The following CACNA1E variants were observed in gnomAD, a reference collection of about 807,000 sequenced individuals.
CACNA1E encodes the protein calcium voltage-gated channel subunit alpha1 E.
In CACNA1E, 40 loss-of-function variants were observed where a neutral mutation model predicts 259.2. The ratio of observed to expected loss-of-function variants is 0.15; its 90% CI spans 0.12 to 0.20. The LOEUF (loss-of-function observed/expected upper bound fraction) is 0.20, where lower values mean the gene tolerates loss of function less well. Ranked by LOEUF, CACNA1E falls within the 10% of genes least tolerant of loss-of-function variation. The pLI is 1.00. For missense variants in CACNA1E, 1,874 were observed against 3,040.1 expected, an observed-to-expected ratio of 0.62 and a Z score of 9.02; for synonymous variants, 1,104 against 1,138.5, an observed-to-expected ratio of 0.97 and a Z score of 0.61.
chr1:181,594,327 G>A (rs1652948471), intron 6 of CACNA1E, among the ~76,000 whole-genome samples: 1 of 152,166 alleles, frequency 6.6e-6, no homozygotes, highest in African/African-American at 2.4e-5. Flanking sequence ...ATTGAAGAAT[G>A]AGTATTTTAG....
In CACNA1E at chr1:181,796,819, G is replaced by A. The variant is rs781618731; in HGVS notation, c.6360G>A (p.Arg2120=). 1.9e-5 allele frequency: 30 copies of A among 1,608,692 alleles called. No individual in the cohort carries two copies. Among genetic ancestry groups the A allele is most frequent in the Non-Finnish European group, 2.2e-5 (26 of 1,177,678 alleles). ...AGTCCCCAGAGCGCCGTCAATCCAG[G>A]TCACCCAGTGAGGGCAGGTCACAGA... The part of the protein sequence containing the change: ...DWESPERRQS[R]SPSEGRSQTP... Residue 2120 remains arginine, a synonymous_variant, in exon 47 of 48, where the codon AGG becomes AGA. Transcript: ENST00000367573.
intron 6 of CACNA1E, among the ~76,000 whole-genome samples, chr1:181,636,809 G>A (rs987165121): frequency 1.3e-5 from 2 of 152,206 alleles, no homozygotes; most frequent in Non-Finnish European, 2.9e-5. Context: ...AGAGTTTCAA[G>A]CTTAGCCTTG....
At chr1:181,769,400 A>G (rs1426693517) in intron 35 of CACNA1E, among the ~76,000 whole-genome samples, 1 of 149,980 alleles carries the variant, frequency 6.7e-6, no homozygotes, top group Non-Finnish European at 1.5e-5. Context: ...CACAATAAAT[A>G]TGTGTTTTTG....
In CACNA1E at chr1:181,475,578, G is replaced by A. The variant is rs568835091; in HGVS notation, c.435-8166G>A. Among the ~76,000 whole-genome samples, 196 of 152,272 alleles carry A rather than the reference G, an allele frequency of 1.3e-3. 1 individual carries two copies. The highest frequency in any genetic ancestry group is 3.3e-3 in the South Asian group (16 of 4,818). On this transcript the variant is annotated intron_variant, in intron 2 of 11. Coordinates refer to the CACNA1E transcript ENST00000524607. ...TTTGAGGCAGGAATGGGCATGACAC[G>A]TTTGTTTATGTACCTCATACTATGG...
At chr1:181,640,654 C>T (rs999823900) in intron 6 of CACNA1E, among the ~76,000 whole-genome samples, 1 of 152,152 alleles carries the variant, frequency 6.6e-6, no homozygotes, top group Non-Finnish European at 1.5e-5. Context: ...AAGCTTTTTT[C>T]TTGAGCGTCT....
intron 1 of CACNA1E, among the ~76,000 whole-genome samples, chr1:181,384,305 G>T (rs1334694897): frequency 6.6e-6 from 1 of 152,198 alleles, no homozygotes; most frequent in Non-Finnish European, 1.5e-5. Context: ...ATACATCTCA[G>T]CTGGATACCA....
At chr1:181,466,710 G>C in intron 2 of CACNA1E, among the ~76,000 whole-genome samples, 1 of 151,860 alleles carries the variant, frequency 6.6e-6, no homozygotes, top group East Asian at 1.9e-4. Context: ...TTCCTCCTAG[G>C]GATTTCCTTT....
chr1:181,318,745 T>C (rs922524938), intron 1 of CACNA1E, among the ~76,000 whole-genome samples: 9 of 152,150 alleles, frequency 5.9e-5, no homozygotes, highest in Admixed American at 1.3e-4. Flanking sequence ...TCGGGACTGC[T>C]GTAGGGTGGA....
chr1:181,333,633 A>G (rs1651455161), intron 1 of CACNA1E, among the ~76,000 whole-genome samples: 1 of 151,876 alleles, frequency 6.6e-6, no homozygotes, highest in Non-Finnish European at 1.5e-5. Context: ...TTTCTAATCC[A>G]TCATTCCTTC....
chr1:181,445,411 G>T (rs1660733055), intron 2 of CACNA1E, among the ~76,000 whole-genome samples: 1 of 152,222 alleles, frequency 6.6e-6, no homozygotes, highest in Admixed American at 6.5e-5. Flanking sequence ...GAACACACCA[G>T]ATGACCCTGC....
At chr1:181,569,330 G>A (rs1650171338) in intron 3 of CACNA1E, among the ~76,000 whole-genome samples, 1 of 152,198 alleles carries the variant, frequency 6.6e-6, no homozygotes, top group African/African-American at 2.4e-5. Context: ...CCCCGGCAGA[G>A]TAGGTGGGGA....
At chr1:181,709,148 A>G (rs1021863950) in intron 7 of CACNA1E, among the ~76,000 whole-genome samples, 1 of 152,184 alleles carries the variant, frequency 6.6e-6, no homozygotes, top group African/African-American at 2.4e-5. Context: ...ATCCAAAGGT[A>G]AGAATTTTGG....
At chr1:181,342,602 T>C (rs561158869) in intron 1 of CACNA1E, among the ~76,000 whole-genome samples, 21 of 152,184 alleles carry the variant, frequency 1.4e-4, no homozygotes, top group Non-Finnish European at 2.6e-4. Context: ...TCTGATTCCA[T>C]TTGTGGAGAC....
chr1:181,323,384 G>A (rs1650519204), intron 1 of CACNA1E, among the ~76,000 whole-genome samples: 1 of 152,114 alleles, frequency 6.6e-6, no homozygotes, highest in South Asian at 2.1e-4. Context: ...CACAAGAAAA[G>A]CACTTAAACC....
intron 1 of CACNA1E, among the ~76,000 whole-genome samples, chr1:181,325,821 A>T (rs985288217): frequency 6.6e-5 from 10 of 152,018 alleles, no homozygotes; most frequent in Admixed American, 4.6e-4. Flanking sequence ...ATATTTCACT[A>T]ATTATTTCCT....
Position 181,776,553 on chromosome 1 carries a change from C to T in CACNA1E, c.5267+325C>T, listed in dbSNP as rs1419466117. ...TTTTTCTGCCAATGGTTAGTGGACT[C>T]CTTTGAGTTATCAGGGGGTTTGACA... is the stretch of plus-strand genomic sequence containing the variant. On this transcript the variant is annotated intron_variant, in intron 38 of 47. Transcript: ENST00000367573. The surrounding 1 kb of genome is among the most constrained non-coding windows in gnomAD (Gnocchi z 4.4). 6.6e-6 allele frequency among the ~76,000 whole-genome samples: 1 copy of T among 152,222 alleles called. No individual in the cohort carries two copies. The highest frequency in any genetic ancestry group is 1.5e-5 in the Non-Finnish European group (1 of 68,040).
At position 181,798,215 on chromosome 1, in the gene CACNA1E, A is replaced by C. The variant is rs113636135; in HGVS notation, c.6400-77A>C. On this transcript the variant is annotated intron_variant, in intron 47 of 47. Transcript: ENST00000367573. This position sits in a 1 kb window ranked among gnomAD's most constrained non-coding sequence, Gnocchi z 4.2. ...TCTCCCTGACAGAATTCAGATTCCA[A>C]GGACTCTCTTAACAGAGTTGCAAGT... The C allele has an allele frequency of 5.5e-4, 665 of 1,212,418 alleles. 2 individuals carry two copies. In the African/African-American group the frequency reaches 7.4e-3, roughly 14 times the overall value. 75.1% of individuals were successfully genotyped at this position (1,212,418 alleles called of 1,614,324 possible).
intron 1 of CACNA1E, among the ~76,000 whole-genome samples, chr1:181,362,330 G>A (rs997448444): frequency 6.6e-6 from 1 of 152,232 alleles, no homozygotes; most frequent in Non-Finnish European, 1.5e-5. Flanking sequence ...GGACTGGTAT[G>A]TGTGAGTCCT....
intron 3 of CACNA1E, among the ~76,000 whole-genome samples, chr1:181,542,153 C>T (rs1174669213): frequency 3.3e-5 from 5 of 152,180 alleles, no homozygotes; most frequent in African/African-American, 7.2e-5. Context: ...GTTCAGATAA[C>T]TGCAAACCCC....
Sources: gnomAD v4.1 joint callset for allele counts (sites outside exome capture counted in the v4.1 genomes callset) on GRCh38, gnomAD v4.1.1 for gene constraint, Gnocchi (gnomAD v3.1) non-coding constraint, MANE v1.5 for transcripts, NCBI Gene and HGNC (gene_info 2026-07-23, HGNC 2026-07-21) for gene names.